MALRD1: variants seen among roughly 807,000 people sequenced by gnomAD.
MALRD1 encodes MAM and LDL receptor class A domain containing 1.
A neutral mutation model predicts 242.1 loss-of-function variants in MALRD1; 247 were observed. The ratio of observed to expected loss-of-function variants is 1.02; its 90% CI spans 0.92 to 1.13. The LOEUF (loss-of-function observed/expected upper bound fraction) is 1.13. MALRD1 is among the 50% of genes most tolerant of loss of function. The pLI, the probability that MALRD1 is intolerant of heterozygous loss-of-function variation, is 0.00. For missense variants in MALRD1, 2,989 were observed against 2,533.1 expected (o/e 1.18, Z -3.86); for synonymous variants, 995 against 866.6 (o/e 1.15, Z -2.60).
chr10:19,315,609 A>C (rs1276275006), intron 21 of MALRD1, among the ~76,000 whole-genome samples: 14 of 124,250 alleles, frequency 1.1e-4, no homozygotes, highest in Admixed American at 1.1e-3. Flanking sequence ...ATAAATTATA[A>C]ATATTTATAT....
At chr10:19,286,779 C>T (rs1477925531) in intron 21 of MALRD1, among the ~76,000 whole-genome samples, 1 of 151,294 alleles carries the variant, frequency 6.6e-6, no homozygotes, top group Non-Finnish European at 1.5e-5. Context: ...GAAACTATTC[C>T]AATCAATAGA....
chr10:19,437,976 T>G (rs1242311480), intron 28 of MALRD1, among the ~76,000 whole-genome samples: 1 of 152,168 alleles, frequency 6.6e-6, no homozygotes, highest in East Asian at 1.9e-4. Context: ...AGAACGTGTC[T>G]TTCTCTGCTA....
At chr10:19,166,286 G>A (rs1159019889) in intron 13 of MALRD1, among the ~76,000 whole-genome samples, 2 of 152,072 alleles carry the variant, frequency 1.3e-5, no homozygotes, top group Non-Finnish European at 2.9e-5. Context: ...TCCACCTTTG[G>A]GAACTGGAGG....
intron 18 of MALRD1, among the ~76,000 whole-genome samples, chr10:19,238,451 TATATAATATATA>T (rs1338201121): frequency 0.012 from 543 of 46,206 alleles, 46 homozygotes; most frequent in African/African-American, 0.042. Flanking sequence ...ATATACATTA[TATATAATATATA>T]ATATAATATA....
intron 21 of MALRD1, among the ~76,000 whole-genome samples, chr10:19,300,997 TAAAG>T (rs1257308271): frequency 6.6e-6 from 1 of 151,856 alleles, no homozygotes; most frequent in African/African-American, 2.4e-5. Flanking sequence ...ATAAGGAACT[TAAAG>T]AAATCAATCA....
chr10:19,421,426 G>A (rs1833715321), intron 28 of MALRD1, among the ~76,000 whole-genome samples: 1 of 152,102 alleles, frequency 6.6e-6, no homozygotes, highest in Admixed American at 6.6e-5. Flanking sequence ...GAAAAGATGG[G>A]CAATCTTAAA....
At chr10:19,228,738 T>C (rs1413033531) in intron 18 of MALRD1, among the ~76,000 whole-genome samples, 2 of 152,174 alleles carry the variant, frequency 1.3e-5, no homozygotes, top group East Asian at 3.9e-4. Context: ...TATATTGGAG[T>C]CTCTGATGAA....
Position 19,555,649 on chromosome 10 carries a change from G to A in MALRD1, c.5479-11853G>A, listed in dbSNP as rs183460506. 1.4e-4 allele frequency among the ~76,000 whole-genome samples: 21 copies of A among 152,004 alleles called. 1 individual carries two copies. The highest frequency in any genetic ancestry group is 2.9e-4 in the African/African-American group (12 of 41,462). ...TAGGGGAGACAGAGCTTGAGAAAAC[G>A]TCTACACCATTGTAAAGACATTCTT... On this transcript the variant is annotated intron_variant, in intron 32 of 39. Coordinates refer to ENST00000454679, the MANE Select transcript of MALRD1 (RefSeq NM_001142308.3).
intron 35 of MALRD1, among the ~76,000 whole-genome samples, chr10:19,612,632 G>C (rs1838952380): frequency 6.6e-6 from 1 of 151,726 alleles, no homozygotes; most frequent in Admixed American, 6.6e-5. Context: ...AAAAAAAATA[G>C]GTTTCATTGG....
At chr10:19,127,153 A>G (rs185610923) in intron 7 of MALRD1, among the ~76,000 whole-genome samples, 324 of 152,288 alleles carry the variant, frequency 2.1e-3, no homozygotes, top group African/African-American at 7.5e-3. Context: ...TATCCAGTCT[A>G]TCATTGATGG....
intron 31 of MALRD1, among the ~76,000 whole-genome samples, chr10:19,529,571 A>G (rs1834254857): frequency 6.6e-6 from 1 of 152,024 alleles, no homozygotes; most frequent in African/African-American, 2.4e-5. Context: ...ACAAAGATTA[A>G]GGATATTAGA....
At chr10:19,463,698 G>A (rs772616235) in intron 29 of MALRD1, among the ~76,000 whole-genome samples, 4 of 151,768 alleles carry the variant, frequency 2.6e-5, no homozygotes, top group South Asian at 4.2e-4. Flanking sequence ...ATCTTTTTTC[G>A]TATAATTACT....
intron 38 of MALRD1, among the ~76,000 whole-genome samples, chr10:19,708,315 T>TA (rs1160813256): frequency 8.5e-6 from 1 of 117,094 alleles, no homozygotes; most frequent in Admixed American, 9.8e-5. Context: ...TTTTTTTTTT[T>TA]AACCTTCTTT....
At chr10:19,657,510 C>G (rs1247487460) in intron 36 of MALRD1, among the ~76,000 whole-genome samples, 1 of 151,830 alleles carries the variant, frequency 6.6e-6, no homozygotes, top group African/African-American at 2.4e-5. Flanking sequence ...ACTACAAAGA[C>G]AGTAAATTAC....
chr10:19,462,523 A>G (rs1829898228), intron 29 of MALRD1, among the ~76,000 whole-genome samples: 1 of 152,126 alleles, frequency 6.6e-6, no homozygotes, highest in South Asian at 2.1e-4. Context: ...GAGTATAAAA[A>G]CCTATCTTTT....
At chr10:19,087,321 G>A (rs1835702387) in intron 2 of MALRD1, among the ~76,000 whole-genome samples, 1 of 151,980 alleles carries the variant, frequency 6.6e-6, no homozygotes, top group Admixed American at 6.6e-5. Flanking sequence ...GCGAACTGTA[G>A]CCCATAATCA....
At chr10:19,355,961 A>C (rs1217876905) in intron 26 of MALRD1, among the ~76,000 whole-genome samples, 5 of 148,870 alleles carry the variant, frequency 3.4e-5, no homozygotes, top group Non-Finnish European at 7.4e-5. Context: ...TTAGGGTTGG[A>C]ATGCAGACAA....
chr10:19,201,996 A>G (rs1262183723), intron 14 of MALRD1, among the ~76,000 whole-genome samples: 1 of 151,952 alleles, frequency 6.6e-6, no homozygotes, highest in Non-Finnish European at 1.5e-5. Flanking sequence ...TTGTATTTTT[A>G]GTAGAGACGG....
intron 13 of MALRD1, among the ~76,000 whole-genome samples, chr10:19,173,352 C>A (rs1173052285): frequency 6.6e-6 from 1 of 151,978 alleles, no homozygotes; most frequent in Non-Finnish European, 1.5e-5. Context: ...TTGATTGATT[C>A]ATTCACATGT....
Sources: allele counts gnomAD v4.1 joint callset (sites outside exome capture counted in the v4.1 genomes callset), GRCh38; gene constraint gnomAD v4.1.1; transcripts MANE v1.5; gene names NCBI Gene and HGNC (gene_info 2026-07-23, HGNC 2026-07-21).